The following NKAIN2 variants were observed in gnomAD, a reference collection of about 807,000 sequenced individuals.
NKAIN2 encodes sodium/potassium transporting ATPase interacting 2, also known as sodium/potassium-transporting ATPase subunit beta-1-interacting protein 2.
In NKAIN2, 14 loss-of-function variants were observed where a neutral mutation model predicts 32.6. That is an observed-to-expected ratio of 0.43 (90% CI 0.28 to 0.67). NKAIN2 has a LOEUF of 0.67. NKAIN2 is among the 30% of genes least tolerant of loss of function. NKAIN2 has a pLI of 0.17. For synonymous variants in NKAIN2, 80 were observed against 87.2 expected, an observed-to-expected ratio of 0.92 and a Z score of 0.46; for missense variants, 198 against 258.3, an observed-to-expected ratio of 0.77 and a Z score of 1.60.
At chr6:123,937,346 A>T (rs1271748782) in intron 1 of NKAIN2, among the ~76,000 whole-genome samples, 5 of 152,136 alleles carry the variant, frequency 3.3e-5, no homozygotes, top group Non-Finnish European at 7.4e-5. Context: ...TTCTCTGTTC[A>T]TAAGCAGCAC....
chr6:124,818,357 A>G, intron 5 of NKAIN2, 30 bp from the exon 6 acceptor site: 1 of 1,281,892 alleles, frequency 7.8e-7, no homozygotes, highest in Non-Finnish European at 1.1e-6. Context: ...TCTCTTCTGA[A>G]AAGCTAATTA....
intron 1 of NKAIN2, among the ~76,000 whole-genome samples, chr6:124,136,866 G>C (rs1445890729): frequency 6.6e-6 from 1 of 151,960 alleles, no homozygotes; most frequent in African/African-American, 2.4e-5. Context: ...ATACTTCAAA[G>C]TAATAAAAGC....
At chr6:124,517,839 G>A (rs185566085) in intron 3 of NKAIN2, among the ~76,000 whole-genome samples, 6 of 152,076 alleles carry the variant, frequency 3.9e-5, no homozygotes, top group East Asian at 1.9e-4. Flanking sequence ...TTCCAAGAAC[G>A]TGCTAATTCC....
chr6:124,365,751 T>C (rs866479772), intron 3 of NKAIN2, among the ~76,000 whole-genome samples: 2 of 152,028 alleles, frequency 1.3e-5, no homozygotes, highest in South Asian at 2.1e-4. Context: ...TATTCAATCA[T>C]ATAATGATTC....
intron 3 of NKAIN2, among the ~76,000 whole-genome samples, chr6:124,405,846 A>G (rs1773833513): frequency 6.6e-6 from 1 of 152,198 alleles, no homozygotes; most frequent in African/African-American, 2.4e-5. Context: ...AAACAAAACA[A>G]TGGCAAAAAG....
chr6:124,397,016 G>A lies in NKAIN2; in HGVS notation c.273+41669G>A, dbSNP rs1773410768. Among the ~76,000 whole-genome samples, 6 of 152,014 alleles carry A rather than the reference G, an allele frequency of 3.9e-5. No individual in the cohort carries two copies. In the South Asian group the frequency reaches 1.2e-3, roughly 31 times the overall value. Reference sequence around the variant, plus strand: ...GATTTTACTTTTTTATCTGGAAAAGGAACAGTTAACTGTTTTATTAACAGT... The same window carrying A: ...GATTTTACTTTTTTATCTGGAAAAGAAACAGTTAACTGTTTTATTAACAGT... On this transcript the variant is annotated intron_variant, in intron 3 of 6. Transcript: ENST00000368417.
chr6:124,286,676 G>A lies in NKAIN2; in HGVS notation c.192+3534G>A, dbSNP rs200812255. Among the ~76,000 whole-genome samples, 515 of 97,818 alleles carry A rather than the reference G, an allele frequency of 5.3e-3. 21 individuals are homozygous for A. In the East Asian group the frequency reaches 0.15, roughly 28 times the overall value. 64.2% of individuals were successfully genotyped at this position (97,818 alleles called of 152,430 possible). On this transcript the variant is annotated intron_variant, in intron 2 of 6. Coordinates refer to ENST00000368417, the MANE Select transcript of NKAIN2 (RefSeq NM_001040214.3). ...TGTGTGTGTGTGTGTGTGTGTGTGC[G>A]CGCGCGTGTGTGTGTGTGTGTGTGA...
At chr6:124,528,373 G>A (rs1427475652) in intron 3 of NKAIN2, among the ~76,000 whole-genome samples, 1 of 152,096 alleles carries the variant, frequency 6.6e-6, no homozygotes, top group African/African-American at 2.4e-5. Context: ...TTAACCAGTG[G>A]GTCACATACT....
intron 1 of NKAIN2, among the ~76,000 whole-genome samples, chr6:124,246,008 A>T (rs1793375857): frequency 6.6e-6 from 1 of 152,122 alleles, no homozygotes; most frequent in Non-Finnish European, 1.5e-5. Flanking sequence ...AGATTATGAA[A>T]TGTAGTTTCA....
chr6:123,885,249 C>T (rs1488193254), intron 1 of NKAIN2, among the ~76,000 whole-genome samples: 4 of 152,096 alleles, frequency 2.6e-5, no homozygotes, highest in African/African-American at 7.2e-5. Flanking sequence ...TTTAATTAGG[C>T]TGCAAGGACA....
intron 1 of NKAIN2, among the ~76,000 whole-genome samples, chr6:123,965,827 T>C (rs1778048729): frequency 6.6e-6 from 1 of 152,244 alleles, no homozygotes; most frequent in South Asian, 2.1e-4. Flanking sequence ...GCATCTCTTA[T>C]TGAATCTATT....
chr6:124,662,461 C>A (rs1310402804), intron 4 of NKAIN2, among the ~76,000 whole-genome samples: 1 of 152,152 alleles, frequency 6.6e-6, no homozygotes, highest in Non-Finnish European at 1.5e-5. Flanking sequence ...AAGTCAAGTT[C>A]TCCTTCGGTT....
chr6:124,619,067 G>A (rs594119), intron 3 of NKAIN2, among the ~76,000 whole-genome samples: 24,063 of 151,766 alleles, frequency 0.16, 1,995 homozygotes, highest in Middle Eastern at 0.23. Context: ...AAAGTTCCTG[G>A]AAACATTTCC....
chr6:124,652,669 C>A (rs1357057631), intron 3 of NKAIN2, among the ~76,000 whole-genome samples: 19 of 152,084 alleles, frequency 1.2e-4, no homozygotes, highest in Admixed American at 1.2e-3. Flanking sequence ...CATCAAAGTC[C>A]TTCTTGTTGT....
chr6:124,050,425 A>G (rs1198066859), intron 1 of NKAIN2, among the ~76,000 whole-genome samples: 1 of 152,062 alleles, frequency 6.6e-6, no homozygotes, highest in Non-Finnish European at 1.5e-5. Context: ...TCAGTTGTAT[A>G]ATACACAGGT....
intron 1 of NKAIN2, among the ~76,000 whole-genome samples, chr6:123,817,571 C>G (rs1034272767): frequency 1.3e-5 from 2 of 152,104 alleles, no homozygotes; most frequent in Admixed American, 6.6e-5. Flanking sequence ...CTCTTTATCC[C>G]GAGGCCCGTG....
chr6:123,830,346 T>G (rs1359804112), intron 1 of NKAIN2, among the ~76,000 whole-genome samples: 2 of 152,158 alleles, frequency 1.3e-5, no homozygotes, highest in African/African-American at 4.8e-5. Context: ...AAAGCCTTCC[T>G]GTTGCTCTAG....
intron 5 of NKAIN2, among the ~76,000 whole-genome samples, chr6:124,801,668 G>A (rs1227897009): frequency 6.6e-6 from 1 of 152,132 alleles, no homozygotes; most frequent in Non-Finnish European, 1.5e-5. Flanking sequence ...CACAATTTAC[G>A]AGAGAAAGAG....
At chr6:124,019,293 CTTTTATGT>C (rs1422405538) in intron 1 of NKAIN2, among the ~76,000 whole-genome samples, 1 of 151,970 alleles carries the variant, frequency 6.6e-6, no homozygotes, top group Non-Finnish European at 1.5e-5. Context: ...ACAATAAGGA[CTTTTATGT>C]TAATATTCCT....
Sources: allele counts gnomAD v4.1 joint callset (sites outside exome capture counted in the v4.1 genomes callset), GRCh38; gene constraint gnomAD v4.1.1; transcripts MANE v1.5; gene names NCBI Gene and HGNC (gene_info 2026-07-23, HGNC 2026-07-21).